Variants in ELSPBP1 observed in about 807,000 individuals in gnomAD.
ELSPBP1 encodes epididymal sperm-binding protein 1.
A neutral mutation model predicts 33.3 loss-of-function variants in ELSPBP1; 38 were observed. The observed-to-expected ratio is 1.14, with a 90% CI of 0.88 to 1.50. The LOEUF (loss-of-function observed/expected upper bound fraction) is 1.50. ELSPBP1 is among the 40% of genes most tolerant of loss of function. The pLI, the probability that ELSPBP1 is intolerant of heterozygous loss-of-function variation, is 0.00. For missense variants in ELSPBP1, 267 were observed against 263.5 expected (o/e 1.01, Z -0.09); for synonymous variants, 85 against 94.1 (o/e 0.90, Z 0.56).
chr19:48,007,188 C>T (rs16982091), intron 1 of ELSPBP1, among the ~76,000 whole-genome samples: 19,431 of 152,042 alleles, frequency 0.13, 4,110 homozygotes, highest in African/African-American at 0.44. Flanking sequence ...CTCGTGGCCA[C>T]CCGGAGACAC....
At chr19:48,018,709 G>T (rs116521629) in intron 4 of ELSPBP1, among the ~76,000 whole-genome samples, 1,745 of 152,094 alleles carry the variant, frequency 0.011, 31 homozygotes, top group African/African-American at 0.039. Context: ...TTCAGAATTT[G>T]TGCTCTTAAT....
rs748686790 is a variant in ELSPBP1 at position 48,022,272 on chromosome 19, T to A, written c.617T>A (p.Val206Glu). Residue 206 changes from valine (V) to glutamate (E), a missense_variant, in exon 6 of 7, where the codon GTG becomes GAG. Physicochemically the swap from Val to Glu is moderately radical, Grantham distance 121. Transcript: ENST00000339841. ...AACGAAGGATCAAAGGAGAACCTTGTGTGGTGTGCAACTTCTTACAACTAC... is the reference window on the plus strand; with the variant it reads ...AACGAAGGATCAAAGGAGAACCTTGAGTGGTGTGCAACTTCTTACAACTAC... Reference protein sequence around the residue: ...CTNEGSKENLVWCATSYNYDQ... With the variant: ...CTNEGSKENLEWCATSYNYDQ... The A allele has an allele frequency of 6.2e-7, 1 of 1,613,794 alleles. No individual in the cohort carries two copies. The highest frequency in any genetic ancestry group is 1.1e-5 in the South Asian group (1 of 90,908).
intron 2 of ELSPBP1, among the ~76,000 whole-genome samples, chr19:48,009,891 C>T (rs1037913473): frequency 2.0e-5 from 3 of 152,068 alleles, no homozygotes; most frequent in Non-Finnish European, 2.9e-5. Context: ...CATCCTGGAG[C>T]CCCAACATCC....
intron 5 of ELSPBP1, among the ~76,000 whole-genome samples, chr19:48,021,463 G>A (rs1358174558): frequency 3.3e-5 from 5 of 149,508 alleles, no homozygotes; most frequent in African/African-American, 1.2e-4. Flanking sequence ...TTTTTGAGAC[G>A]GAATCTCACT....
At chr19:48,008,255 T>C (rs10415290) in intron 1 of ELSPBP1, among the ~76,000 whole-genome samples, 32,900 of 151,946 alleles carry the variant, frequency 0.22, 4,036 homozygotes, top group African/African-American at 0.33. Flanking sequence ...TATTTAGAGA[T>C]AGGGTCTCAC....
chr19:48,019,584 A>C, intron 4 of ELSPBP1, 135 bp from the exon 5 acceptor site: 1 of 738,102 alleles, frequency 1.4e-6, no homozygotes, highest in Non-Finnish European at 2.2e-6. Flanking sequence ...TAATAACGTC[A>C]TCCGGAAGTT....
intron 4 of ELSPBP1, among the ~76,000 whole-genome samples, chr19:48,016,974 A>T (rs576864489): frequency 4.3e-4 from 65 of 152,326 alleles, no homozygotes; most frequent in African/African-American, 1.5e-3. Context: ...ACCAAAATTC[A>T]TTGAATGTCC....
At chr19:48,022,740 GAAA>G (rs1314275762) in intron 6 of ELSPBP1, among the ~76,000 whole-genome samples, 2 of 152,052 alleles carry the variant, frequency 1.3e-5, no homozygotes, top group Non-Finnish European at 2.9e-5. Flanking sequence ...AGCATGGTAT[GAAA>G]AAACAACCCA....
At chr19:48,007,609 C>T (rs1967034663) in intron 1 of ELSPBP1, among the ~76,000 whole-genome samples, 1 of 152,004 alleles carries the variant, frequency 6.6e-6, no homozygotes, top group Non-Finnish European at 1.5e-5. Flanking sequence ...GGAAACGGCA[C>T]GAAGGAAAAT....
At chr19:48,012,599 AC>A (rs1344882589) in intron 2 of ELSPBP1, among the ~76,000 whole-genome samples, 46 of 152,218 alleles carry the variant, frequency 3.0e-4, no homozygotes, top group African/African-American at 1.1e-3. Flanking sequence ...ATTTTTCCAA[AC>A]TTATTTTATT....
intron 5 of ELSPBP1, 65 bp downstream of exon 5, chr19:48,019,942 C>A: frequency 2.0e-6 from 3 of 1,524,084 alleles, no homozygotes; most frequent in Non-Finnish European, 2.7e-6. Flanking sequence ...TCAACAAACA[C>A]CTCCTGAAAC....
intron 1 of ELSPBP1, among the ~76,000 whole-genome samples, chr19:47,998,392 C>T (rs1041118155): frequency 6.6e-6 from 1 of 151,636 alleles, no homozygotes; most frequent in Admixed American, 6.6e-5. Context: ...GCCTGAGTGA[C>T]AGAGTGAGAC....
At chr19:48,016,459 TC>T (rs566015135) in intron 4 of ELSPBP1, among the ~76,000 whole-genome samples, 18,124 of 47,402 alleles carry the variant, frequency 0.38, 1,784 homozygotes, top group South Asian at 0.46. Context: ...CTCTTTCTTT[TC>T]TTTCCTTCTT....
Position 47,995,235 on chromosome 19 carries a change from G to T in ELSPBP1, c.-18+424G>T, listed in dbSNP as rs573949717. Among the ~76,000 whole-genome samples the T allele has an allele frequency of 3.9e-3, 591 of 152,260 alleles. 1 individual carries two copies. Among genetic ancestry groups the T allele is most frequent in the African/African-American group, 0.014 (564 of 41,546 alleles). ...GGGGACAGCCAGAGAAAGTAGGGAA[G>T]GTGGTCTTGTGGGTGAGGTCCTTTC... On this transcript the variant is annotated intron_variant, in intron 1 of 6. Transcript: ENST00000339841.
At chr19:48,000,993 A>C (rs1290573685) in intron 1 of ELSPBP1, among the ~76,000 whole-genome samples, 1 of 152,188 alleles carries the variant, frequency 6.6e-6, no homozygotes, top group Non-Finnish European at 1.5e-5. Flanking sequence ...ACTGGGGCTA[A>C]GATCAGGGTA....
chr19:48,016,078 G>C (rs370402838), intron 4 of ELSPBP1, 39 bp downstream of exon 4: 1 of 1,606,782 alleles, frequency 6.2e-7, no homozygotes, highest in Non-Finnish European at 8.5e-7. Flanking sequence ...GTGGTGGGAG[G>C]GAGAGTGGAC....
Position 48,007,205 on chromosome 19 carries a change from G to A in ELSPBP1, c.-17-1446G>A, listed in dbSNP as rs147832133. On this transcript the variant is annotated intron_variant, in intron 1 of 6. Coordinates refer to ENST00000339841, the MANE Select transcript of ELSPBP1 (RefSeq NM_022142.5). ...CGTGGCCACCCGGAGACACAGGAAC[G>A]ACTAAATACATTCTGCAGATGAGGA... Among the ~76,000 whole-genome samples, 175 of 152,234 alleles carry A rather than the reference G, an allele frequency of 1.1e-3. 1 individual carries two copies. Among genetic ancestry groups the A allele is most frequent in the Middle Eastern group, 3.4e-3 (1 of 294 alleles).
At position 47,996,697 on chromosome 19, in the gene ELSPBP1, T is replaced by C. The variant is rs76542833; in HGVS notation, c.-18+1886T>C. 8.0e-3 allele frequency among the ~76,000 whole-genome samples: 1,223 copies of C among 152,132 alleles called. 15 individuals are homozygous for C. The highest frequency in any genetic ancestry group is 0.025 in the African/African-American group (1,022 of 41,508). On this transcript the variant is annotated intron_variant, in intron 1 of 6. Transcript: ENST00000339841. ...GAAGAGTTGGTAAAGGGATGGTTGA[T>C]GGATGGATGGATGAGGGAATATTAA...
chr19:48,004,304 A>T (rs1445216790), intron 1 of ELSPBP1, among the ~76,000 whole-genome samples: 1 of 151,274 alleles, frequency 6.6e-6, no homozygotes, highest in African/African-American at 2.4e-5. Context: ...CCATCTCACC[A>T]TGCATCTCTG....
Sources: gnomAD v4.1 joint callset for allele counts (sites outside exome capture counted in the v4.1 genomes callset) on GRCh38, gnomAD v4.1.1 for gene constraint, MANE v1.5 for transcripts, NCBI Gene and HGNC (gene_info 2026-07-23, HGNC 2026-07-21) for gene names.